SIRPB2: variants seen among roughly 807,000 people sequenced by gnomAD.
SIRPB2 encodes signal regulatory protein beta 2, also known as signal-regulatory protein beta-2.
A neutral mutation model predicts 27.1 loss-of-function variants in SIRPB2; 18 were observed. That is an observed-to-expected ratio of 0.66 (90% CI 0.46 to 0.98). The LOEUF (loss-of-function observed/expected upper bound fraction) is 0.98, where lower values mean the gene tolerates loss of function less well. Among genes scored for constraint, SIRPB2 ranks in the 50% least tolerant of loss-of-function variants. The probability of loss-of-function intolerance (pLI) is 0.00; values close to 1 mark genes in which losing one functional copy is unlikely to be tolerated. For synonymous variants in SIRPB2, 150 were observed against 164.6 expected (o/e 0.91, Z 0.68); for missense variants, 420 against 417.4 (o/e 1.01, Z -0.06).
At chr20:1,477,149 G>T (rs756798552) in intron 4 of SIRPB2, 189 bp downstream of exon 4, 1 of 1,553,136 alleles carries the variant, frequency 6.4e-7, no homozygotes, top group Non-Finnish European at 8.7e-7. Flanking sequence ...GAGAAAGTTC[G>T]TTATAGCTGA....
chr20:1,478,596 G>A lies in SIRPB2; in HGVS notation c.463C>T (p.Pro155Ser). 6.4e-7 allele frequency: 1 copy of A among 1,571,078 alleles called. No homozygotes were observed. Among genetic ancestry groups the A allele is most frequent in the South Asian group, 1.1e-5 (1 of 87,718 alleles). The change falls in exon 3 of 5, where the codon CCT (proline) becomes TCT (serine). Residue 155 changes from proline to serine, a missense_variant. Physicochemically the swap from Pro to Ser is moderately conservative, Grantham distance 74. Coordinates refer to ENST00000359801, the MANE Select transcript of SIRPB2 (RefSeq NM_001122962.2). ...TGGATGATCCACAGGTCTGGTTCAGGGTCCCCAGCTCCTGAAGCCAAAGAG... is the reference window on the plus strand; with the variant it reads ...TGGATGATCCACAGGTCTGGTTCAGAGTCCCCAGCTCCTGAAGCCAAAGAG... ...TSVLVKGAGD[P>S]EPDLWIIQPQ...
rs1178583297 is a variant in SIRPB2, at chr20:1,484,703, AAC to A, written c.86-4640_86-4639del. On this transcript the variant is annotated intron_variant, in intron 1 of 4. Coordinates refer to ENST00000359801, the MANE Select transcript of SIRPB2 (RefSeq NM_001122962.2). ...TAAAAAGGCAACAATAAAAAAAAAAAACAAAATAAATAAACAAACCACCACAA... is the reference window on the plus strand; with the variant it reads ...TAAAAAGGCAACAATAAAAAAAAAAAAAAATAAATAAACAAACCACCACAA... 3.7e-3 allele frequency among the ~76,000 whole-genome samples: 557 copies of A among 148,562 alleles called. 3 individuals are homozygous for A. Among genetic ancestry groups the A allele is most frequent in the African/African-American group, 0.014 (517 of 38,286 alleles).
rs141844797 is a variant in SIRPB2, at chr20:1,477,406, G to A, written c.794-3C>T. Reference sequence around the variant, plus strand: ...CTCTTTGGAAGAGGTAGATTTTGCTGCAAGGGAGAGAGGCTTTGTCATACT... The same window carrying A: ...CTCTTTGGAAGAGGTAGATTTTGCTACAAGGGAGAGAGGCTTTGTCATACT... On this transcript the variant is annotated splice_polypyrimidine_tract_variant and splice_region_variant and intron_variant, in intron 3 of 4. Transcript: ENST00000359801. 16 of 1,611,036 alleles carry A rather than the reference G, an allele frequency of 9.9e-6. No individual in the cohort carries two copies. Among genetic ancestry groups the A allele is most frequent in the Middle Eastern group, 3.3e-4 (2 of 6,042 alleles).
chr20:1,485,653 C>CCACACA (rs58756174), intron 1 of SIRPB2, among the ~76,000 whole-genome samples: 1 of 147,184 alleles, frequency 6.8e-6, no homozygotes, highest in African/African-American at 2.5e-5. Context: ...CACACACACA[C>CCACACA]CACACACACA....
At chr20:1,482,028 T>C (rs995513607) in intron 1 of SIRPB2, among the ~76,000 whole-genome samples, 4 of 152,174 alleles carry the variant, frequency 2.6e-5, no homozygotes, top group Admixed American at 2.6e-4. Flanking sequence ...AGAAGTGTTC[T>C]GGTCCACCCA....
At position 1,478,627 on chromosome 20, in the gene SIRPB2, C is replaced by T. The variant is rs753654753; in HGVS notation, c.452-20G>A. On this transcript the variant is annotated intron_variant, in intron 2 of 4. Transcript: ENST00000359801. Reference sequence around the variant, plus strand: ...CAGCTCCTGAAGCCAAAGAGGAGGTCCTTGTTGAATTCCCTCTCCTCTTCC... The same window carrying T: ...CAGCTCCTGAAGCCAAAGAGGAGGTTCTTGTTGAATTCCCTCTCCTCTTCC... 6.5e-7 allele frequency: 1 copy of T among 1,527,450 alleles called. No homozygotes were observed. The highest frequency in any genetic ancestry group is 1.3e-5 in the South Asian group (1 of 79,944). The allele number at this position is 1,527,450 out of a possible 1,614,324, so 94.6% of individuals were successfully genotyped here.
downstream of SIRPB2, among the ~76,000 whole-genome samples, chr20:1,474,286 G>T (rs554457146): frequency 3.3e-5 from 5 of 152,218 alleles, no homozygotes; most frequent in African/African-American, 1.2e-4. Flanking sequence ...ATTAGGACAT[G>T]GATATCTTTG....
intron 1 of SIRPB2, among the ~76,000 whole-genome samples, chr20:1,485,431 CATAAT>C (rs2090715460): frequency 6.6e-6 from 1 of 151,634 alleles, no homozygotes; most frequent in Non-Finnish European, 1.5e-5. Context: ...AAAATGAAAA[CATAAT>C]ATAAAAATTT....
chr20:1,477,066 C>T lies in SIRPB2; in HGVS notation c.859+272G>A. 3.5e-6 allele frequency: 5 copies of T among 1,421,248 alleles called. 1 individual carries two copies. The highest frequency in any genetic ancestry group is 2.7e-5 in the South Asian group (2 of 73,390). The allele number at this position is 1,421,248 out of a possible 1,614,324, so 88.0% of individuals were successfully genotyped here. A position where few individuals can be genotyped will look rare whatever the true frequency, so the allele number is the denominator to read the frequency against. Reference sequence around the variant, plus strand: ...TGCATAGCCTCACAGTGTGTCCCTACACTCAGAATCACAGGGAGCTCACCA... The same window carrying T: ...TGCATAGCCTCACAGTGTGTCCCTATACTCAGAATCACAGGGAGCTCACCA... On this transcript the variant is annotated intron_variant, in intron 4 of 4. Transcript: ENST00000359801.
At chr20:1,484,181 T>C (rs1158834655) in intron 1 of SIRPB2, among the ~76,000 whole-genome samples, 1 of 152,130 alleles carries the variant, frequency 6.6e-6, no homozygotes, top group Non-Finnish European at 1.5e-5. Context: ...TTTCTCACCA[T>C]ATACCAAAAT....
rs143567869 is a variant in SIRPB2, at chr20:1,484,726, C to T, written c.86-4661G>A. Among the ~76,000 whole-genome samples the T allele has an allele frequency of 3.4e-3, 520 of 151,090 alleles. 5 individuals carry two copies. Among genetic ancestry groups the T allele is most frequent in the African/African-American group, 0.011 (459 of 41,234 alleles). On this transcript the variant is annotated intron_variant, in intron 1 of 4. Coordinates refer to ENST00000359801, the MANE Select transcript of SIRPB2 (RefSeq NM_001122962.2). ...AAAACAAAATAAATAAACAAACCAC[C>T]ACAAATATATGCTGGTAAGGTTGCA...
chr20:1,473,414 A>C (rs555539705), downstream of SIRPB2, among the ~76,000 whole-genome samples: 25 of 152,228 alleles, frequency 1.6e-4, no homozygotes, highest in East Asian at 4.6e-3. Context: ...ACACGTGCAC[A>C]CGCAGGCACA....
chr20:1,480,832 A>G lies in SIRPB2; in HGVS notation c.86-767T>C, dbSNP rs780291054. Among the ~76,000 whole-genome samples the G allele has an allele frequency of 9.2e-5, 14 of 152,334 alleles. 1 individual carries two copies. The South Asian group carries it at 2.5e-3, about 27-fold the overall frequency. ...ACTCAGTAAGAGGGTGACAGGCTTG[A>G]TTCAAGCCCTCTCAACCTGTTTCTG... is the stretch of plus-strand genomic sequence containing the variant. On this transcript the variant is annotated intron_variant, in intron 1 of 4. Coordinates refer to ENST00000359801, the MANE Select transcript of SIRPB2 (RefSeq NM_001122962.2).
At position 1,475,353 on chromosome 20, in the gene SIRPB2, C is replaced by T. The variant is rs2090597681; in HGVS notation, c.*814G>A. The T allele has an allele frequency of 6.6e-6, 1 of 152,200 alleles. No individual in the cohort carries two copies. Among genetic ancestry groups the T allele is most frequent in the Admixed American group, 6.5e-5 (1 of 15,282 alleles). 9.4% of individuals were successfully genotyped at this position (152,200 alleles called of 1,614,324 possible). On this transcript the variant is annotated 3_prime_UTR_variant, in exon 5 of 5. Coordinates refer to ENST00000359801, the MANE Select transcript of SIRPB2 (RefSeq NM_001122962.2). ...AAACTTGCAGCTGGGCGCATTGCTG[C>T]CAGAAATAAAGACTACATCTCCCAG...
Position 1,475,776 on chromosome 20 carries a change from CT to C in SIRPB2, c.*390del. The stretch of plus-strand genomic sequence containing the variant: ...AGATGGAGGGGCACAGATGGTCTGG[CT>C]GGTTGAGTTCAGAGATTCTTACAGA... On this transcript the variant is annotated 3_prime_UTR_variant, in exon 5 of 5. Coordinates refer to ENST00000359801, the MANE Select transcript of SIRPB2 (RefSeq NM_001122962.2). 9.3e-5 allele frequency: 13 copies of C among 140,254 alleles called. No homozygotes were observed. Among genetic ancestry groups the C allele is most frequent in the South Asian group, 7.0e-4 (4 of 5,750 alleles). 8.7% of individuals were successfully genotyped at this position (140,254 alleles called of 1,614,324 possible). A position where few individuals can be genotyped will look rare whatever the true frequency, so the allele number is the denominator to read the frequency against.
intron 1 of SIRPB2, chr20:1,480,438 T>C (rs2123026216): frequency 4.8e-6 from 1 of 207,706 alleles, no homozygotes; most frequent in East Asian, 1.1e-4. Flanking sequence ...GCTAGGATTG[T>C]GTCTCCCGAA....
intron 1 of SIRPB2, chr20:1,480,581 T>C (rs2090661623): frequency 6.3e-6 from 1 of 157,754 alleles, no homozygotes; most frequent in Non-Finnish European, 1.4e-5. Flanking sequence ...GGTGTCCTTA[T>C]AAGGAGAGGA....
chr20:1,489,287 T>A (rs2090755395), intron 1 of SIRPB2, among the ~76,000 whole-genome samples: 1 of 152,194 alleles, frequency 6.6e-6, no homozygotes, highest in African/African-American at 2.4e-5. Flanking sequence ...AAGTGTGAAA[T>A]ACACCCAGCA....
At chr20:1,473,612 G>A (rs868054577), downstream of SIRPB2, among the ~76,000 whole-genome samples, 8 of 150,972 alleles carry the variant, frequency 5.3e-5, no homozygotes, top group African/African-American at 1.9e-4. Flanking sequence ...GGCCTTTAAA[G>A]GTAAGAGTTA....
Sources: gnomAD v4.1 joint callset for allele counts (sites outside exome capture counted in the v4.1 genomes callset) on GRCh38, gnomAD v4.1.1 for gene constraint, MANE v1.5 for transcripts, NCBI Gene and HGNC (gene_info 2026-07-23, HGNC 2026-07-21) for gene names.